Variants in CPAMD8 observed in about 807,000 individuals in gnomAD.
CPAMD8 encodes the protein C3 and PZP like alpha-2-macroglobulin domain containing 8.
CPAMD8 carries 146 observed loss-of-function variants against 224.7 expected under a neutral mutation model. The observed-to-expected ratio is 0.65, with a 90% confidence interval of 0.57 to 0.75. The LOEUF (loss-of-function observed/expected upper bound fraction) is 0.75, where lower values mean the gene tolerates loss of function less well. Among genes scored for constraint, CPAMD8 ranks in the 30% least tolerant of loss-of-function variants. The probability of loss-of-function intolerance (pLI) is 0.00; values close to 1 mark genes in which losing one functional copy is unlikely to be tolerated. For synonymous variants in CPAMD8, 966 were observed against 1,044.6 expected, an observed-to-expected ratio of 0.92 and a Z score of 1.45; for missense variants, 2,301 against 2,537.5, an observed-to-expected ratio of 0.91 and a Z score of 2.00.
intron 17 of CPAMD8, among the ~76,000 whole-genome samples, chr19:16,974,488 C>T (rs1186678518): frequency 6.6e-6 from 1 of 151,854 alleles, no homozygotes; most frequent in Non-Finnish European, 1.5e-5. Context: ...GAGCTACTGG[C>T]ACCCACAGCT....
At chr19:17,009,441 C>T in intron 5 of CPAMD8, 121 bp from the exon 6 acceptor site, 1 of 1,537,476 alleles carries the variant, frequency 6.5e-7, no homozygotes, top group Non-Finnish European at 8.9e-7. Flanking sequence ...TAAACAGTGT[C>T]CCCCTAGATT....
intron 6 of CPAMD8, 83 bp from the exon 7 acceptor site, chr19:17,008,642 C>T: frequency 6.9e-7 from 1 of 1,451,046 alleles, no homozygotes; most frequent in Non-Finnish European, 9.7e-7. Flanking sequence ...TTTCCCAGTC[C>T]TCTCTCTTGG....
chr19:16,974,946 G>T, intron 17 of CPAMD8, 151 bp downstream of exon 17: 1 of 1,061,532 alleles, frequency 9.4e-7, no homozygotes, highest in Non-Finnish European at 1.3e-6. Flanking sequence ...CTGCACTCCA[G>T]CCTGGGCCAC....
At chr19:16,945,780 T>C in intron 21 of CPAMD8, 101 bp from the exon 22 acceptor site, 1 of 1,029,138 alleles carries the variant, frequency 9.7e-7, no homozygotes, top group East Asian at 2.4e-5. Context: ...TGCATGCATG[T>C]GTGTGTGTGT....
At chr19:16,965,133 G>A (rs1011747776) in intron 18 of CPAMD8, among the ~76,000 whole-genome samples, 17 of 151,870 alleles carry the variant, frequency 1.1e-4, no homozygotes, top group African/African-American at 2.7e-4. Flanking sequence ...AGTGGCGGGC[G>A]CCTGTAGTCC....
chr19:17,024,839 T>G (rs1006301100), intron 1 of CPAMD8, among the ~76,000 whole-genome samples: 1 of 152,174 alleles, frequency 6.6e-6, no homozygotes, highest in Non-Finnish European at 1.5e-5. Flanking sequence ...CTCTTACAAC[T>G]GCAAACTGTG....
chr19:16,962,240 C>A (rs760829421), intron 18 of CPAMD8, among the ~76,000 whole-genome samples: 39 of 152,184 alleles, frequency 2.6e-4, no homozygotes, highest in Non-Finnish European at 4.4e-4. Context: ...TAACAAACTT[C>A]TCTGAGCTAA....
chr19:16,979,386 T>TCATC (rs55698805), intron 14 of CPAMD8, among the ~76,000 whole-genome samples: 4,506 of 133,414 alleles, frequency 0.034, 235 homozygotes, highest in African/African-American at 0.11. Context: ...ATCTGTCCAT[T>TCATC]CATCCATCCA....
chr19:16,971,853 C>T (rs2055073769), intron 17 of CPAMD8, among the ~76,000 whole-genome samples: 1 of 152,100 alleles, frequency 6.6e-6, no homozygotes, highest in Non-Finnish European at 1.5e-5. Context: ...TCAACACCAG[C>T]CTGGCCAACA....
intron 13 of CPAMD8, among the ~76,000 whole-genome samples, chr19:16,987,182 ATATAT>A (rs1568566544): frequency 0.015 from 925 of 61,760 alleles, 27 homozygotes; most frequent in East Asian, 0.03. Flanking sequence ...AAAAAAAAAT[ATATAT>A]ATATATATAT....
At chr19:16,956,883 G>A (rs1274174806) in intron 19 of CPAMD8, among the ~76,000 whole-genome samples, 1 of 151,878 alleles carries the variant, frequency 6.6e-6, no homozygotes, top group Admixed American at 6.6e-5. Context: ...AGAGAGGGTG[G>A]TCTCGATCTC....
chr19:16,914,951 T>C (rs2052890338), intron 27 of CPAMD8, 138 bp from the exon 28 acceptor site: 3 of 647,174 alleles, frequency 4.6e-6, no homozygotes, highest in Non-Finnish European at 2.7e-6. Flanking sequence ...GTCCCATCTG[T>C]CCCCACAGGG....
intron 3 of CPAMD8, 34 bp downstream of exon 3, chr19:17,020,297 G>A (rs2056921467): frequency 1.3e-6 from 2 of 1,517,274 alleles, no homozygotes; most frequent in Non-Finnish European, 9.2e-7. Context: ...TATTTCCAAG[G>A]TCAGGTTTAT....
At chr19:16,935,521 T>C (rs183977930) in intron 23 of CPAMD8, among the ~76,000 whole-genome samples, 75 of 152,322 alleles carry the variant, frequency 4.9e-4, no homozygotes, top group Non-Finnish European at 8.5e-4. Context: ...CTTTTGGGAT[T>C]TTCTTCCCAC....
chr19:16,971,600 G>A (rs1178150246), intron 17 of CPAMD8, among the ~76,000 whole-genome samples: 2 of 152,138 alleles, frequency 1.3e-5, no homozygotes, highest in African/African-American at 2.4e-5. Context: ...GAGGGGAAAT[G>A]GGGAGTAATT....
At chr19:16,982,872 T>A (rs1315470531) in intron 13 of CPAMD8, among the ~76,000 whole-genome samples, 1 of 152,144 alleles carries the variant, frequency 6.6e-6, no homozygotes, top group Non-Finnish European at 1.5e-5. Flanking sequence ...GTAGCTCCCA[T>A]AATTCCCATG....
intron 3 of CPAMD8, among the ~76,000 whole-genome samples, chr19:17,014,979 C>T (rs574920048): frequency 2.8e-4 from 43 of 152,356 alleles, no homozygotes; most frequent in Admixed American, 4.6e-4. Flanking sequence ...CAGTGGCTCA[C>T]GCCTGTCATC....
In CPAMD8 at chr19:16,894,675, A is replaced by G. The variant is rs2227361; in HGVS notation, c.5427-1336T>C. On this transcript the variant is annotated intron_variant, in intron 41 of 41. Coordinates refer to ENST00000443236, the MANE Select transcript of CPAMD8 (RefSeq NM_015692.5). ...GCTCTGGGTGTCCATGTGCGGTAAGAGGGGAGTAGCTTGTGTCAGACCACC... is the reference window on the plus strand; with the variant it reads ...GCTCTGGGTGTCCATGTGCGGTAAGGGGGGAGTAGCTTGTGTCAGACCACC... 1,567 of 342,390 alleles carry G rather than the reference A, an allele frequency of 4.6e-3. 23 individuals carry two copies. The highest frequency in any genetic ancestry group is 0.032 in the African/African-American group (1,479 of 46,662). 21.2% of individuals were successfully genotyped at this position (342,390 alleles called of 1,614,324 possible). A position where few individuals can be genotyped will look rare whatever the true frequency, so the allele number is the denominator to read the frequency against.
intron 35 of CPAMD8, among the ~76,000 whole-genome samples, 178 bp downstream of exon 35, chr19:16,902,471 C>A (rs951953008): frequency 9.2e-5 from 14 of 152,140 alleles, no homozygotes; most frequent in African/African-American, 3.4e-4. Flanking sequence ...GAGCCGAGAT[C>A]GCACCATTGC....
Sources: allele counts gnomAD v4.1 joint callset (sites outside exome capture counted in the v4.1 genomes callset), GRCh38; gene constraint gnomAD v4.1.1; transcripts MANE v1.5; gene names NCBI Gene and HGNC (gene_info 2026-07-23, HGNC 2026-07-21).